Variants in GRM7 observed in about 807,000 individuals in gnomAD.
GRM7 encodes glutamate metabotropic receptor 7.
In GRM7, 35 loss-of-function variants were observed where a neutral mutation model predicts 84.5. The observed-to-expected ratio is 0.41, with a 90% CI of 0.32 to 0.55. The LOEUF is 0.55. Ranked by LOEUF, GRM7 falls within the 20% of genes least tolerant of loss-of-function variation. GRM7 has a pLI of 0.19. For synonymous variants in GRM7, 487 were observed against 455.1 expected, an observed-to-expected ratio of 1.07 and a Z score of -0.89; for missense variants, 1,003 against 1,194.6, an observed-to-expected ratio of 0.84 and a Z score of 2.36.
chr3:7,326,214 A>G lies in GRM7; in HGVS notation c.1033+19562A>G, dbSNP rs562418520. Reference sequence around the variant, plus strand: ...AACACATTATTTTGAGAGAAAAACAACACCCTAATTGTGGTTTTATACAAG... The same window carrying G: ...AACACATTATTTTGAGAGAAAAACAGCACCCTAATTGTGGTTTTATACAAG... On this transcript the variant is annotated intron_variant, in intron 4 of 9. Coordinates refer to ENST00000357716, the MANE Select transcript of GRM7 (RefSeq NM_000844.4). Among the ~76,000 whole-genome samples the G allele has an allele frequency of 8.6e-5, 13 of 151,326 alleles. No homozygotes were observed. The South Asian group carries it at 2.7e-3, about 32-fold the overall frequency.
At chr3:7,229,487 G>C (rs1697090130) in intron 2 of GRM7, among the ~76,000 whole-genome samples, 1 of 151,484 alleles carries the variant, frequency 6.6e-6, no homozygotes, top group Non-Finnish European at 1.5e-5. Context: ...CGCTTTATGA[G>C]TATTACGTTA....
intron 1 of GRM7, among the ~76,000 whole-genome samples, chr3:6,901,773 G>C (rs1249451495): frequency 2.0e-5 from 3 of 151,476 alleles, no homozygotes; most frequent in African/African-American, 4.8e-5. Context: ...GTGTTGACTA[G>C]TATTTTTGTT....
chr3:7,715,244 G>A (rs1170099769), intron 9 of GRM7, among the ~76,000 whole-genome samples: 1 of 152,094 alleles, frequency 6.6e-6, no homozygotes, highest in Non-Finnish European at 1.5e-5. Context: ...AGGATTACTT[G>A]AGGCCAAGAG....
chr3:7,709,478 T>A (rs1701505726), intron 9 of GRM7, among the ~76,000 whole-genome samples: 1 of 152,152 alleles, frequency 6.6e-6, no homozygotes, highest in African/African-American at 2.4e-5. Context: ...AGCTGAGAAA[T>A]GAGTGTCAGT....
At chr3:7,038,576 T>C (rs1696470668) in intron 1 of GRM7, among the ~76,000 whole-genome samples, 1 of 152,152 alleles carries the variant, frequency 6.6e-6, no homozygotes, top group Non-Finnish European at 1.5e-5. Flanking sequence ...AGACCTTGGA[T>C]ACACTTTCCA....
At chr3:7,324,503 T>C (rs796783452) in intron 4 of GRM7, among the ~76,000 whole-genome samples, 1 of 152,126 alleles carries the variant, frequency 6.6e-6, no homozygotes, top group South Asian at 2.1e-4. Flanking sequence ...AACAGCCTCT[T>C]ATGGCCTTTT....
At chr3:7,232,615 T>C (rs1453064961) in intron 2 of GRM7, among the ~76,000 whole-genome samples, 1 of 152,232 alleles carries the variant, frequency 6.6e-6, no homozygotes, top group Non-Finnish European at 1.5e-5. Context: ...AAGAGGACTC[T>C]TGCAGTTTGT....
At chr3:7,647,185 A>G (rs1392878202) in intron 8 of GRM7, among the ~76,000 whole-genome samples, 2 of 151,570 alleles carry the variant, frequency 1.3e-5, no homozygotes, top group South Asian at 2.1e-4. Flanking sequence ...AGCCTGGAAA[A>G]CCTCTTTTTC....
intron 2 of GRM7, among the ~76,000 whole-genome samples, chr3:7,250,494 T>A (rs1697938455): frequency 6.6e-6 from 1 of 150,408 alleles, no homozygotes; most frequent in Non-Finnish European, 1.5e-5. Context: ...TATTTTTATT[T>A]TTATTTATAT....
At chr3:7,410,504 T>C (rs1448622111) in intron 4 of GRM7, among the ~76,000 whole-genome samples, 1 of 151,770 alleles carries the variant, frequency 6.6e-6, no homozygotes, top group African/African-American at 2.4e-5. Flanking sequence ...GCCTGGTGGG[T>C]TGAGGCTGCA....
At chr3:7,621,516 C>T (rs566946129) in intron 8 of GRM7, among the ~76,000 whole-genome samples, 15 of 152,112 alleles carry the variant, frequency 9.9e-5, no homozygotes, top group Non-Finnish European at 2.1e-4. Context: ...GTCCTGTCAG[C>T]TGGGGGAGGG....
chr3:6,902,278 A>G (rs1346098770), intron 1 of GRM7, among the ~76,000 whole-genome samples: 2 of 152,282 alleles, frequency 1.3e-5, no homozygotes, highest in East Asian at 1.9e-4. Context: ...TTTTTGCACA[A>G]TTTTTTAAAA....
chr3:7,621,793 G>T (rs1300169224), intron 8 of GRM7, among the ~76,000 whole-genome samples: 2 of 152,086 alleles, frequency 1.3e-5, no homozygotes, highest in Non-Finnish European at 2.9e-5. Context: ...CTGAAAATAG[G>T]AGTTTATAAT....
intron 8 of GRM7, among the ~76,000 whole-genome samples, chr3:7,641,984 C>T (rs1056043213): frequency 5.3e-5 from 8 of 151,426 alleles, no homozygotes; most frequent in African/African-American, 1.9e-4. Flanking sequence ...CCAGACCATT[C>T]AGTGAGTAAA....
intron 4 of GRM7, among the ~76,000 whole-genome samples, chr3:7,414,478 A>G (rs989186084): frequency 2.0e-5 from 3 of 152,138 alleles, no homozygotes; most frequent in Non-Finnish European, 4.4e-5. Flanking sequence ...ACCCCATACG[A>G]ACATTTAAAG....
At position 7,680,309 on chromosome 3, in the gene GRM7, C is replaced by A. The variant is rs375785623; in HGVS notation, c.2698+14C>A. 6.2e-6 allele frequency: 10 copies of A among 1,612,884 alleles called. No individual in the cohort carries two copies. In the East Asian group the frequency reaches 1.8e-4, roughly 29 times the overall value. ...TAGACCCAAACAGTAAGTAACTCTC[C>A]GTTTCTTTCATCTTCCCACCCTGCA... On this transcript the variant is annotated intron_variant, in intron 9 of 9. Transcript: ENST00000357716.
chr3:7,427,490 C>A (rs560772854), intron 5 of GRM7, among the ~76,000 whole-genome samples: 1 of 152,160 alleles, frequency 6.6e-6, no homozygotes. Flanking sequence ...TCTCTTCCTG[C>A]AAATACCTAT....
rs1692977809 is a variant in GRM7, at chr3:7,348,223, G to T, written c.1033+41571G>T. Among the ~76,000 whole-genome samples the T allele has an allele frequency of 5.9e-5, 9 of 152,140 alleles. No homozygotes were observed. The South Asian group carries it at 1.9e-3, about 32-fold the overall frequency. On this transcript the variant is annotated intron_variant, in intron 4 of 9. Transcript: ENST00000357716. ...TGGCATTCCAGGCCATATATCTATG[G>T]ACTTCAGTTTGTATCTTGACACTTT...
At chr3:7,660,507 C>A (rs1559470930) in intron 8 of GRM7, among the ~76,000 whole-genome samples, 1 of 151,988 alleles carries the variant, frequency 6.6e-6, no homozygotes, top group Non-Finnish European at 1.5e-5. Flanking sequence ...TTAAAGTAGA[C>A]CTAAATAAAT....
Sources: allele counts gnomAD v4.1 joint callset (sites outside exome capture counted in the v4.1 genomes callset), GRCh38; gene constraint gnomAD v4.1.1; transcripts MANE v1.5; gene names NCBI Gene and HGNC (gene_info 2026-07-23, HGNC 2026-07-21).